RNF103: variants seen among roughly 807,000 people sequenced by gnomAD.
RNF103 encodes the protein ring finger protein 103, also known as E3 ubiquitin-protein ligase RNF103.
RNF103 carries 23 observed loss-of-function variants against 66.2 expected under a neutral mutation model. The observed-to-expected ratio is 0.35, with a 90% CI of 0.25 to 0.49. The LOEUF (loss-of-function observed/expected upper bound fraction) is 0.49, where lower values mean the gene tolerates loss of function less well. Among genes scored for constraint, RNF103 ranks in the 20% least tolerant of loss-of-function variants. The probability of loss-of-function intolerance (pLI) is 0.98; values close to 1 mark genes in which losing one functional copy is unlikely to be tolerated. For missense variants in RNF103, 730 were observed against 814.7 expected, an observed-to-expected ratio of 0.90 and a Z score of 1.27; for synonymous variants, 297 against 289.9, an observed-to-expected ratio of 1.02 and a Z score of -0.25.
chr2:86,605,656 G>C (rs1678519480), intron 3 of RNF103, among the ~76,000 whole-genome samples: 1 of 151,910 alleles, frequency 6.6e-6, no homozygotes, highest in Non-Finnish European at 1.5e-5. Flanking sequence ...TGAGTCAAAG[G>C]AATCAGCAAA....
At chr2:86,615,656 G>A (rs1403695049) in intron 2 of RNF103, among the ~76,000 whole-genome samples, 1 of 151,876 alleles carries the variant, frequency 6.6e-6, no homozygotes, top group Non-Finnish European at 1.5e-5. Context: ...TCATTAAAAG[G>A]GGAGACATTT....
chr2:86,608,211 G>C (rs1368973570), intron 3 of RNF103, among the ~76,000 whole-genome samples: 2 of 152,130 alleles, frequency 1.3e-5, no homozygotes, highest in Non-Finnish European at 2.9e-5. Context: ...AAGAAGCAGG[G>C]CTCAGTGGCT....
intron 2 of RNF103, chr2:86,617,476 G>T: frequency 4.6e-6 from 2 of 438,496 alleles, no homozygotes; most frequent in Non-Finnish European, 6.1e-6. Flanking sequence ...ATTAGTTGTT[G>T]TTGTTACTGT....
chr2:86,614,965 T>A (rs1678961020), intron 2 of RNF103: 1 of 985,382 alleles, frequency 1.0e-6, no homozygotes, highest in East Asian at 1.1e-4. Flanking sequence ...GCCTCGCCAG[T>A]GTAAATATTT....
chr2:86,617,644 C>A (rs1447873771), intron 2 of RNF103: 2 of 982,300 alleles, frequency 2.0e-6, no homozygotes, highest in African/African-American at 3.5e-5. Context: ...CAGAAAATAA[C>A]AACAATTCAA....
Position 86,604,364 on chromosome 2 carries a change from G to C in RNF103, c.1537C>G (p.Pro513Ala). 1 of 1,614,192 alleles carries C rather than the reference G, an allele frequency of 6.2e-7. No individual in the cohort carries two copies. Among genetic ancestry groups the C allele is most frequent in the Non-Finnish European group, 8.5e-7 (1 of 1,180,050 alleles). The change falls in exon 4 of 4, where the codon CCA becomes GCA. Residue 513 changes from proline to alanine, a missense_variant. Physicochemically the swap from Pro to Ala is conservative, Grantham distance 27 (BLOSUM62 -1). Coordinates refer to ENST00000237455, the MANE Select transcript of RNF103 (RefSeq NM_005667.4). ...LIPTDYIKNL[P>A]MWRFKCLGVQ... is the part of the protein sequence containing the mutation. ...CCAAGACATTTAAATCGCCACATTG[G>C]TAAGTTTTTAATATAATCAGTTGGT...
Position 86,604,409 on chromosome 2 carries a change from G to C in RNF103, c.1492C>G (p.Leu498Val). 1 of 1,614,236 alleles carries C rather than the reference G, an allele frequency of 6.2e-7. No individual in the cohort carries two copies. Among genetic ancestry groups the C allele is most frequent in the Middle Eastern group, 1.6e-4 (1 of 6,062 alleles). The change falls in exon 4 of 4, where the codon CTT becomes GTT. Residue 498 changes from leucine to valine, a missense_variant. This residue lies in a region of RNF103 where 355 missense variants were observed against 351.9 expected (regional missense o/e 1.01). Coordinates refer to ENST00000237455, the MANE Select transcript of RNF103 (RefSeq NM_005667.4). ...LFLERLAFPD[L>V]WLHPLIPTDY... ...GTTGGTATCAGAGGGTGAAGCCAAA[G>C]GTCAGGGAAAGCTAAGCGCTCCAAG...
At chr2:86,622,597 C>G in intron 1 of RNF103, 64 bp downstream of exon 1, 1 of 1,519,276 alleles carries the variant, frequency 6.6e-7, no homozygotes, top group Non-Finnish European at 9.1e-7. Context: ...CAGCCAGGTA[C>G]CAGGAGGTAC....
intron 2 of RNF103, 129 bp from the exon 3 acceptor site, chr2:86,612,403 A>G (rs1028416189): frequency 3.9e-5 from 23 of 596,848 alleles, no homozygotes; most frequent in Admixed American, 1.3e-4. Flanking sequence ...TTACTGTATC[A>G]TCACATTATC....
intron 2 of RNF103, chr2:86,617,503 A>T: frequency 2.1e-6 from 1 of 469,678 alleles, no homozygotes; most frequent in Non-Finnish European, 2.8e-6. Flanking sequence ...CTTACACATT[A>T]AACTTTATCA....
In RNF103 at chr2:86,623,225, G is replaced by T. The variant is rs1033037777; in HGVS notation, c.-339C>A. Reference sequence around the variant, plus strand: ...AGCTCGCGGGGAAGAACAAAACGAGGGACGCTTCCCCCGGGGCGGGCACTG... The same window carrying T: ...AGCTCGCGGGGAAGAACAAAACGAGTGACGCTTCCCCCGGGGCGGGCACTG... On this transcript the variant is annotated 5_prime_UTR_variant, in exon 1 of 4. Transcript: ENST00000237455. 4.9e-6 allele frequency: 5 copies of T among 1,013,262 alleles called. No homozygotes were observed. Among genetic ancestry groups the T allele is most frequent in the Non-Finnish European group, 5.9e-6 (5 of 849,896 alleles). The allele number at this position is 1,013,262 out of a possible 1,614,324, so 62.8% of individuals were successfully genotyped here. A position where few individuals can be genotyped will look rare whatever the true frequency, so the allele number is the denominator to read the frequency against.
chr2:86,623,861 A>C lies in RNF103; in HGVS notation c.-975T>G, dbSNP rs951233404. On this transcript the variant is annotated 5_prime_UTR_variant, in exon 1 of 4. It removes an upstream start codon present in the reference 5' UTR. Transcript: ENST00000237455. ...CGGCGGCCGCGGCCGGAGCCGAGACATAACAACTGACGTCGCGATGAGGCG... is the reference window on the plus strand; with the variant it reads ...CGGCGGCCGCGGCCGGAGCCGAGACCTAACAACTGACGTCGCGATGAGGCG... 7.8e-6 allele frequency: 10 copies of C among 1,287,708 alleles called. No individual in the cohort carries two copies. In the East Asian group the frequency reaches 2.8e-4, roughly 36 times the overall value. The allele number at this position is 1,287,708 out of a possible 1,614,324, so 79.8% of individuals were successfully genotyped here. A position where few individuals can be genotyped will look rare whatever the true frequency, so the allele number is the denominator to read the frequency against.
chr2:86,612,581 A>T (rs1678842093), intron 2 of RNF103: 1 of 193,768 alleles, frequency 5.2e-6, no homozygotes, highest in South Asian at 1.7e-4. Context: ...CTTCTCTCTA[A>T]TTAAGTTACA....
At chr2:86,608,486 C>CAAA (rs1222638516) in intron 3 of RNF103, among the ~76,000 whole-genome samples, 6 of 40,066 alleles carry the variant, frequency 1.5e-4, no homozygotes, top group Non-Finnish European at 2.3e-4. Context: ...GACTCCATCT[C>CAAA]AAAAAAAAAA....
chr2:86,618,928 C>G (rs1679120263), intron 2 of RNF103, among the ~76,000 whole-genome samples: 1 of 152,172 alleles, frequency 6.6e-6, no homozygotes, highest in Non-Finnish European at 1.5e-5. Flanking sequence ...GTATAGACTA[C>G]ACTCATACTC....
At position 86,603,792 on chromosome 2, in the gene RNF103, A is replaced by G; in HGVS notation, c.*51T>C. The G allele has an allele frequency of 7.8e-6, 12 of 1,540,040 alleles. No individual in the cohort carries two copies. Among genetic ancestry groups the G allele is most frequent in the Non-Finnish European group, 1.0e-5 (12 of 1,147,508 alleles). ...ACAAAAACATTGTGACTAACATTAAAAAGGCAAGCTGTAAGATACTCAAAG... is the reference window on the plus strand; with the variant it reads ...ACAAAAACATTGTGACTAACATTAAGAAGGCAAGCTGTAAGATACTCAAAG... On this transcript the variant is annotated 3_prime_UTR_variant, in exon 4 of 4. Transcript: ENST00000237455.
rs1679301908 is a variant in RNF103, at chr2:86,623,213, G to C, written c.-327C>G. 4.9e-6 allele frequency: 5 copies of C among 1,024,000 alleles called. No individual in the cohort carries two copies. The highest frequency in any genetic ancestry group is 3.5e-6 in the Non-Finnish European group (3 of 857,150). 63.4% of individuals were successfully genotyped at this position (1,024,000 alleles called of 1,614,324 possible). A position where few individuals can be genotyped will look rare whatever the true frequency, so the allele number is the denominator to read the frequency against. ...GGGCGCGGGGAGAGCTCGCGGGGAA[G>C]AACAAAACGAGGGACGCTTCCCCCG... On this transcript the variant is annotated 5_prime_UTR_variant, in exon 1 of 4. Coordinates refer to ENST00000237455, the MANE Select transcript of RNF103 (RefSeq NM_005667.4).
intron 2 of RNF103, chr2:86,612,569 C>T (rs1409757898): frequency 4.8e-6 from 1 of 208,960 alleles, no homozygotes; most frequent in African/African-American, 2.3e-5. Flanking sequence ...ACCATGTGGC[C>T]TCTTCTCTCT....
In RNF103 at chr2:86,605,263, C is replaced by T. The variant is rs755321549; in HGVS notation, c.638G>A (p.Arg213Gln). The T allele has an allele frequency of 5.0e-6, 8 of 1,613,932 alleles. 1 individual carries two copies. Among genetic ancestry groups the T allele is most frequent in the Middle Eastern group, 1.6e-4 (1 of 6,084 alleles). The change falls in exon 4 of 4, where the codon CGG becomes CAG. Residue 213 changes from arginine to glutamine, a missense_variant. By Grantham distance (43) the Arg-to-Gln change is conservative. Transcript: ENST00000237455. ...TTCAGCATTATAAATGGTTTTGATC[C>T]GAGAAGCTGCATGAGCAGTTATCCA... ...FKWITAHAAS[R>Q]IKTIYNAEHL...
Sources: gnomAD v4.1 joint callset for allele counts (sites outside exome capture counted in the v4.1 genomes callset) on GRCh38, gnomAD v4.1.1 for gene constraint, gnomAD v4.1.1 regional missense constraint, MANE v1.5 for transcripts, NCBI Gene and HGNC (gene_info 2026-07-23, HGNC 2026-07-21) for gene names.